The following COPB2 variants were observed in gnomAD, a reference collection of about 807,000 sequenced individuals.
COPB2 encodes coat protein complex I subunit beta 2.
A neutral mutation model predicts 120.8 loss-of-function variants in COPB2; 16 were observed. That is an observed-to-expected ratio of 0.13 (90% CI 0.09 to 0.20). The LOEUF is 0.20. COPB2 is among the 10% of genes least tolerant of loss of function. The probability of loss-of-function intolerance (pLI) is 1.00; values close to 1 mark genes in which losing one functional copy is unlikely to be tolerated. For missense variants in COPB2, 794 were observed against 1,076.5 expected (o/e 0.74, Z 3.67); for synonymous variants, 332 against 366.3 (o/e 0.91, Z 1.07).
chr3:139,376,147 C>T (rs935253575), intron 5 of COPB2, among the ~76,000 whole-genome samples: 1 of 152,222 alleles, frequency 6.6e-6, no homozygotes, highest in Non-Finnish European at 1.5e-5. Context: ...GTCCTAACAA[C>T]TCAGGAGGCT....
intron 5 of COPB2, 101 bp from the exon 6 acceptor site, chr3:139,375,715 G>T: frequency 7.6e-7 from 1 of 1,309,158 alleles, no homozygotes; most frequent in Non-Finnish European, 1.0e-6. Flanking sequence ...CCAAAGCCCA[G>T]GAGAGAAGAG....
intron 2 of COPB2, chr3:139,381,806 G>A (rs1207061994): frequency 3.3e-5 from 5 of 152,120 alleles, no homozygotes; most frequent in African/African-American, 1.2e-4. Context: ...TAGCTGATAA[G>A]AGGGAATCCC....
chr3:139,365,757 A>AG (rs1227660039), intron 15 of COPB2, among the ~76,000 whole-genome samples: 1 of 152,194 alleles, frequency 6.6e-6, no homozygotes, highest in African/African-American at 2.4e-5. Flanking sequence ...AATTAAGCAA[A>AG]GGGGGGAAAA....
chr3:139,375,363 T>A, intron 6 of COPB2, 105 bp downstream of exon 6: 1 of 1,145,680 alleles, frequency 8.7e-7, no homozygotes, highest in East Asian at 2.6e-5. Context: ...ATACCTTAAG[T>A]TATTATGCTG....
rs114424761 is a variant in COPB2, at chr3:139,368,847, C to T, written c.1401+414G>A. Among the ~76,000 whole-genome samples the T allele has an allele frequency of 8.2e-3, 1,243 of 152,256 alleles. 23 individuals are homozygous for T. Among genetic ancestry groups the T allele is most frequent in the African/African-American group, 0.027 (1,114 of 41,540 alleles). The stretch of plus-strand genomic sequence containing the variant: ...CTGACAGTGAAAACTGTCAAAGCAG[C>T]GGGCAGTTCTAAAGGTAAACACTTT... On this transcript the variant is annotated intron_variant, in intron 12 of 21. Transcript: ENST00000333188.
At chr3:139,375,654 T>C in intron 5 of COPB2, 40 bp from the exon 6 acceptor site, 1 of 1,595,340 alleles carries the variant, frequency 6.3e-7, no homozygotes. Context: ...ATATGGGGCC[T>C]TGCTTTACAA....
chr3:139,377,691 G>C (rs538956844), intron 5 of COPB2, among the ~76,000 whole-genome samples: 1 of 152,312 alleles, frequency 6.6e-6, no homozygotes. Context: ...ATGTAAAATA[G>C]ATAAACGATG....
intron 15 of COPB2, 126 bp downstream of exon 15, chr3:139,366,442 C>T (rs1275749026): frequency 1.2e-6 from 1 of 839,926 alleles, no homozygotes; most frequent in Non-Finnish European, 1.8e-6. Flanking sequence ...CTTAAACTCA[C>T]AGGAGAAATT....
rs1047990511 is a variant in COPB2, at chr3:139,374,567, G to T, written c.673C>A (p.Leu225Met). ...DYQNKTCVQT[L>M]EGHAQNVSCA... is the part of the protein sequence containing the mutation. ...GACACATTTTGGGCATGTCCTTCCA[G>T]TGTCTGCACACATGTTTTATTCTGT... The change falls in exon 7 of 22, where the codon CTG becomes ATG. Residue 225 changes from leucine (L) to methionine (M), a missense_variant. By Grantham distance (15) the Leu-to-Met change is conservative. Coordinates refer to ENST00000333188, the MANE Select transcript of COPB2 (RefSeq NM_004766.3). 5 of 1,613,676 alleles carry T rather than the reference G, an allele frequency of 3.1e-6. No homozygotes were observed. Among genetic ancestry groups the T allele is most frequent in the Non-Finnish European group, 4.2e-6 (5 of 1,179,828 alleles).
chr3:139,359,437 T>C, intron 17 of COPB2, 75 bp from the exon 18 acceptor site: 1 of 1,443,940 alleles, frequency 6.9e-7, no homozygotes. Context: ...CAAAGTAAAT[T>C]TAGTGTTACA....
intron 5 of COPB2, among the ~76,000 whole-genome samples, chr3:139,376,726 A>G (rs2107806203): frequency 6.6e-6 from 1 of 152,364 alleles, no homozygotes; most frequent in East Asian, 1.9e-4. Context: ...GTCAATGCAT[A>G]TGGAAATATT....
Position 139,360,286 on chromosome 3 carries a change from G to A in COPB2, c.2210+795C>T, listed in dbSNP as rs530166965. ...CACCTATAATCCCAGCACTTTGGGA[G>A]GACGAGGCAGGCGGATCATTTGAGG... is the stretch of plus-strand genomic sequence containing the variant. On this transcript the variant is annotated intron_variant, in intron 17 of 21. Coordinates refer to ENST00000333188, the MANE Select transcript of COPB2 (RefSeq NM_004766.3). Among the ~76,000 whole-genome samples, 82 of 152,146 alleles carry A rather than the reference G, an allele frequency of 5.4e-4. 1 individual carries two copies. Among genetic ancestry groups the A allele is most frequent in the Non-Finnish European group, 1.0e-3 (69 of 67,982 alleles).
At chr3:139,367,691 G>C (rs973215823) in intron 13 of COPB2, among the ~76,000 whole-genome samples, 5 of 152,010 alleles carry the variant, frequency 3.3e-5, no homozygotes, top group Non-Finnish European at 7.4e-5. Flanking sequence ...TCCTAGATTA[G>C]TATTTGTAAT....
intron 17 of COPB2, 142 bp downstream of exon 17, chr3:139,360,939 G>T: frequency 1.2e-6 from 1 of 826,916 alleles, no homozygotes; most frequent in Non-Finnish European, 1.9e-6. Flanking sequence ...TGCCACCAAG[G>T]CAGCACTGTC....
intron 2 of COPB2, chr3:139,382,640 A>G (rs1200170850): frequency 2.0e-5 from 3 of 152,350 alleles, no homozygotes; most frequent in African/African-American, 7.2e-5. Context: ...GGATTTCAAG[A>G]ACTTAACTTT....
At chr3:139,389,649 G>A (rs1942017922), upstream of COPB2, 2 of 1,254,668 alleles carry the variant, frequency 1.6e-6, no homozygotes, top group Non-Finnish European at 1.1e-6. Flanking sequence ...TGACTGACGT[G>A]GAACTTCCGG....
At chr3:139,369,399 G>C (rs753104695) in intron 11 of COPB2, 32 bp from the exon 12 acceptor site, 1 of 1,605,192 alleles carries the variant, frequency 6.2e-7, no homozygotes, top group South Asian at 1.1e-5. Context: ...TTTTGCTTAG[G>C]CATTTTTGAG....
chr3:139,368,355 C>T, intron 12 of COPB2, 67 bp from the exon 13 acceptor site: 5 of 1,473,924 alleles, frequency 3.4e-6, no homozygotes, highest in Non-Finnish European at 4.6e-6. Context: ...ACTGCACATA[C>T]TTGGTTTCTT....
At chr3:139,380,617 T>A (rs533660028) in intron 2 of COPB2, 1 of 152,026 alleles carries the variant, frequency 6.6e-6, no homozygotes, top group Non-Finnish European at 1.5e-5. Context: ...AGAGCAAAAA[T>A]GAAATAACTA....
Sources: allele counts gnomAD v4.1 joint callset (sites outside exome capture counted in the v4.1 genomes callset), GRCh38; gene constraint gnomAD v4.1.1; transcripts MANE v1.5; gene names NCBI Gene and HGNC (gene_info 2026-07-23, HGNC 2026-07-21).